USP9X: variants seen among roughly 807,000 people sequenced by gnomAD.
The protein encoded by USP9X is ubiquitin carboxyl-terminal hydrolase 9X.
A neutral mutation model predicts 190.3 loss-of-function variants in USP9X; 7 were observed. That is an observed-to-expected ratio of 0.04 (90% CI 0.02 to 0.07). The LOEUF is 0.07. Ranked by LOEUF, USP9X falls within the 10% of genes least tolerant of loss-of-function variation. The probability of loss-of-function intolerance (pLI) is 1.00; values close to 1 mark genes in which losing one functional copy is unlikely to be tolerated. For synonymous variants in USP9X, 645 were observed against 659.5 expected, an observed-to-expected ratio of 0.98 and a Z score of 0.34; for missense variants, 1,010 against 1,916.9, an observed-to-expected ratio of 0.53 and a Z score of 8.83.
intron 26 of USP9X, among the ~76,000 whole-genome samples, chrX:41,194,267 T>C (rs2062962863): frequency 9.0e-6 from 1 of 111,723 alleles, no homozygotes; most frequent in Non-Finnish European, 1.9e-5. Context: ...TAAATTAAGT[T>C]CTGAGGGCTG....
chrX:41,196,515 T>G, intron 27 of USP9X, 77 bp from the exon 28 acceptor site: 1 of 1,126,398 alleles, frequency 8.9e-7, no homozygotes, highest in African/African-American at 1.8e-5. Flanking sequence ...TCATCTTCTC[T>G]AGTTAACTCT....
chrX:41,116,534 T>C lies in USP9X; in HGVS notation c.-158-6937T>C, dbSNP rs149225653. 8.6e-3 allele frequency among the ~76,000 whole-genome samples: 965 copies of C among 112,147 alleles called. 38 individuals carry two copies. The highest frequency in any genetic ancestry group is 0.081 in the Admixed American group (855 of 10,578). ...TCCACCACTTGAGTATTGAATAGGA[T>C]TTATTAAGAAAAGTAGTGGTGTTAT... is the stretch of plus-strand genomic sequence containing the variant. On this transcript the variant is annotated intron_variant, in intron 1 of 44. Transcript: ENST00000378308.
At chrX:41,088,920 G>C (rs1400089578) in intron 1 of USP9X, among the ~76,000 whole-genome samples, 1 of 111,412 alleles carries the variant, frequency 9.0e-6, no homozygotes, top group Non-Finnish European at 1.9e-5. Flanking sequence ...TAGTGCATTG[G>C]ACCTCAACCC....
chrX:41,225,900 A>G (rs1294130224), intron 41 of USP9X, among the ~76,000 whole-genome samples: 1 of 112,660 alleles, frequency 8.9e-6, no homozygotes, highest in East Asian at 2.8e-4. Flanking sequence ...TTTAAACATA[A>G]AAATAACCAG....
At chrX:41,231,054 TTAAAG>T (rs988405036) in intron 44 of USP9X, among the ~76,000 whole-genome samples, 3 of 111,884 alleles carry the variant, frequency 2.7e-5, no homozygotes, top group Non-Finnish European at 3.8e-5. Context: ...CCATAGGTGA[TTAAAG>T]TAAATAAACT....
Position 41,230,576 on chromosome X carries a change from C to T in USP9X, c.7507C>T (p.Pro2503Ser), listed in dbSNP as rs988049460. Reference protein sequence around the residue: ...PEDAPLYPHSPGSQYQQNNHV... With the variant: ...PEDAPLYPHSSGSQYQQNNHV... Reference sequence around the variant, plus strand: ...AGATGCCCCATTGTACCCCCATTCACCTGGATCTCAGTATCAACAGGTAAA... The same window carrying T: ...AGATGCCCCATTGTACCCCCATTCATCTGGATCTCAGTATCAACAGGTAAA... The change falls in exon 44 of 45, where the codon CCT (proline) becomes TCT (serine). Residue 2503 changes from proline to serine, a missense_variant. Physicochemically the swap from Pro to Ser is moderately conservative, Grantham distance 74. This residue lies in a region of USP9X where 48 missense variants were observed against 60.4 expected (regional missense o/e 0.79). Coordinates refer to ENST00000378308, the MANE Select transcript of USP9X (RefSeq NM_001039591.3). The T allele has an allele frequency of 1.2e-5, 15 of 1,210,035 alleles. No individual in the cohort carries two copies. Among genetic ancestry groups the T allele is most frequent in the South Asian group, 3.5e-5 (2 of 56,835 alleles).
intron 14 of USP9X, among the ~76,000 whole-genome samples, chrX:41,153,875 A>G (rs771354058): frequency 7.1e-5 from 8 of 112,388 alleles, no homozygotes; most frequent in African/African-American, 2.6e-4. Context: ...TGATTACTCA[A>G]CTTACCATTC....
intron 1 of USP9X, among the ~76,000 whole-genome samples, chrX:41,095,209 A>G (rs143428211): frequency 2.7e-5 from 3 of 111,881 alleles, no homozygotes; most frequent in African/African-American, 9.7e-5. Flanking sequence ...CAGTGCAATT[A>G]CAGCTGTATT....
chrX:41,194,001 A>G (rs1339232546), intron 26 of USP9X, among the ~76,000 whole-genome samples: 1 of 111,973 alleles, frequency 8.9e-6, no homozygotes, highest in East Asian at 2.8e-4. Context: ...CTTATTGAAA[A>G]ATTAGTAAAC....
chrX:41,189,642 GT>G, intron 26 of USP9X, 167 bp downstream of exon 26: 1 of 415,937 alleles, frequency 2.4e-6, no homozygotes, highest in Non-Finnish European at 3.9e-6. Flanking sequence ...TAAATGTTTG[GT>G]TTTAGTCTCT....
intron 11 of USP9X, among the ~76,000 whole-genome samples, chrX:41,147,702 C>G (rs1015957455): frequency 5.4e-5 from 6 of 111,736 alleles, no homozygotes; most frequent in Middle Eastern, 4.2e-3. Context: ...ATCTACCTGC[C>G]TGGGTCTCCC....
At chrX:41,232,094 A>G (rs1362484886) in intron 44 of USP9X, among the ~76,000 whole-genome samples, 4 of 112,135 alleles carry the variant, frequency 3.6e-5, no homozygotes, top group South Asian at 3.7e-4. Context: ...TTTATTTGCC[A>G]GACTTGAGTC....
chrX:41,086,584 A>G (rs995827907), intron 1 of USP9X, among the ~76,000 whole-genome samples: 2 of 112,038 alleles, frequency 1.8e-5, no homozygotes, highest in Non-Finnish European at 3.8e-5. Flanking sequence ...CTGGGGAGCT[A>G]GGCCTCGGCT....
chrX:41,186,076 A>G (rs375521099), intron 23 of USP9X, among the ~76,000 whole-genome samples: 2 of 111,485 alleles, frequency 1.8e-5, no homozygotes, highest in African/African-American at 3.3e-5. Context: ...CCTTTCATAC[A>G]TTAGTCCTCT....
At chrX:41,173,880 T>A (rs754312619) in intron 21 of USP9X, among the ~76,000 whole-genome samples, 1 of 112,105 alleles carries the variant, frequency 8.9e-6, no homozygotes, top group Admixed American at 9.4e-5. Context: ...GTATTAGGTG[T>A]TACCTAATAC....
chrX:41,106,428 T>C (rs940288159), intron 1 of USP9X, among the ~76,000 whole-genome samples: 17 of 110,986 alleles, frequency 1.5e-4, no homozygotes, highest in Non-Finnish European at 3.0e-4. Flanking sequence ...TGTTTTCTTA[T>C]AATTGCATAA....
At chrX:41,222,770 G>T (rs896798128) in intron 38 of USP9X, among the ~76,000 whole-genome samples, 3 of 110,998 alleles carry the variant, frequency 2.7e-5, no homozygotes, top group African/African-American at 9.8e-5. Flanking sequence ...ACAAAAATTA[G>T]CTGGGCATGG....
intron 31 of USP9X, among the ~76,000 whole-genome samples, chrX:41,202,637 G>C (rs1351395857): frequency 9.0e-6 from 1 of 110,865 alleles, no homozygotes; most frequent in Non-Finnish European, 1.9e-5. Context: ...ATGGTCTAGG[G>C]ATTGGGTTCT....
rs191973122 is a variant in USP9X, at chrX:41,191,967, A to G, written c.3977+2492A>G. On this transcript the variant is annotated intron_variant, in intron 26 of 44. Coordinates refer to ENST00000378308, the MANE Select transcript of USP9X (RefSeq NM_001039591.3). ...TCTCACTCCCAGTTATGTGGCTTTT[A>G]CTTCATGTGTCTTTGAACTCCATAC... is the stretch of plus-strand genomic sequence containing the variant. Among the ~76,000 whole-genome samples, 6 of 111,025 alleles carry G rather than the reference A, an allele frequency of 5.4e-5. No individual in the cohort carries two copies. In the East Asian group the frequency reaches 1.4e-3, roughly 26 times the overall value.
Sources: gnomAD v4.1 joint callset for allele counts (sites outside exome capture counted in the v4.1 genomes callset) on GRCh38, gnomAD v4.1.1 for gene constraint, gnomAD v4.1.1 regional missense constraint, MANE v1.5 for transcripts, NCBI Gene and HGNC (gene_info 2026-07-23, HGNC 2026-07-21) for gene names.